The following PTPRN2 variants were observed in gnomAD, a reference collection of about 807,000 sequenced individuals.
The protein encoded by PTPRN2 is protein tyrosine phosphatase receptor type N2.
PTPRN2 carries 74 observed loss-of-function variants against 118.8 expected under a neutral mutation model. The observed-to-expected ratio is 0.62, with a 90% CI of 0.52 to 0.76. The LOEUF (loss-of-function observed/expected upper bound fraction) is 0.76, where lower values mean the gene tolerates loss of function less well. Ranked by LOEUF, PTPRN2 falls within the 30% of genes least tolerant of loss-of-function variation. The pLI, the probability that PTPRN2 is intolerant of heterozygous loss-of-function variation, is 0.00. For synonymous variants in PTPRN2, 641 were observed against 608.0 expected (o/e 1.05, Z -0.80); for missense variants, 1,481 against 1,394.4 (o/e 1.06, Z -0.99).
intron 2 of PTPRN2, among the ~76,000 whole-genome samples, chr7:158,425,322 G>A (rs1815638296): frequency 1.7e-5 from 2 of 120,578 alleles, no homozygotes; most frequent in Non-Finnish European, 3.3e-5. Context: ...CAGAGTCCGA[G>A]ACCAGCCTAG....
intron 10 of PTPRN2, among the ~76,000 whole-genome samples, chr7:158,097,603 G>A (rs1371029685): frequency 6.6e-6 from 1 of 152,136 alleles, no homozygotes; most frequent in African/African-American, 2.4e-5. Flanking sequence ...TGTGTCTTTG[G>A]CATCCTTTTT....
intron 12 of PTPRN2, among the ~76,000 whole-genome samples, chr7:157,777,307 T>C (rs1242120328): frequency 6.6e-6 from 1 of 152,188 alleles, no homozygotes; most frequent in Non-Finnish European, 1.5e-5. Flanking sequence ...GAAGGGGCCA[T>C]GCACTGTGAC....
At chr7:158,349,771 G>A (rs1364113289) in intron 2 of PTPRN2, among the ~76,000 whole-genome samples, 3 of 103,582 alleles carry the variant, frequency 2.9e-5, no homozygotes, top group South Asian at 4.2e-4. Flanking sequence ...GGTGGCCCAC[G>A]TCACTGCACC....
At chr7:158,327,596 T>A (rs980209350) in intron 2 of PTPRN2, among the ~76,000 whole-genome samples, 1 of 152,214 alleles carries the variant, frequency 6.6e-6, no homozygotes, top group Non-Finnish European at 1.5e-5. Context: ...ACACACTCAC[T>A]ACTCACACTC....
At chr7:158,199,574 G>C (rs987927787) in intron 4 of PTPRN2, among the ~76,000 whole-genome samples, 1 of 152,222 alleles carries the variant, frequency 6.6e-6, no homozygotes, top group African/African-American at 2.4e-5. Context: ...GAGATTAACT[G>C]CCTTATGTAA....
chr7:157,577,074 T>G (rs1800096021), intron 18 of PTPRN2, among the ~76,000 whole-genome samples: 2 of 152,226 alleles, frequency 1.3e-5, no homozygotes, highest in East Asian at 3.8e-4. Flanking sequence ...TTCTGTCTTT[T>G]GCATGTCCAT....
chr7:158,095,508 C>T (rs1379019606), intron 10 of PTPRN2, among the ~76,000 whole-genome samples: 1 of 152,100 alleles, frequency 6.6e-6, no homozygotes, highest in Non-Finnish European at 1.5e-5. Flanking sequence ...TGGAGGAGCA[C>T]ACTGAGGCCA....
intron 14 of PTPRN2, among the ~76,000 whole-genome samples, chr7:157,638,613 G>A (rs774324439): frequency 1.3e-5 from 2 of 152,254 alleles, no homozygotes; most frequent in Admixed American, 6.5e-5. Context: ...AGAGTTAGAG[G>A]TGAGACTATC....
chr7:158,159,662 T>TGAACAA (rs79965089), intron 6 of PTPRN2, among the ~76,000 whole-genome samples: 37,062 of 152,084 alleles, frequency 0.24, 5,668 homozygotes, highest in Middle Eastern at 0.39. Flanking sequence ...CCACACATTA[T>TGAACAA]TTGTCATTGG....
At chr7:157,906,035 C>T (rs750982675) in intron 11 of PTPRN2, among the ~76,000 whole-genome samples, 2 of 152,222 alleles carry the variant, frequency 1.3e-5, no homozygotes, top group Admixed American at 6.5e-5. Flanking sequence ...TCAGCATCTC[C>T]GGGTAATTTG....
At chr7:158,274,343 G>GC (rs1798795174) in intron 3 of PTPRN2, among the ~76,000 whole-genome samples, 1 of 5,792 alleles carries the variant, frequency 1.7e-4, no homozygotes, top group African/African-American at 5.6e-4. Context: ...GCAGACGCGG[G>GC]AGAGCCACAG....
chr7:157,766,817 C>T (rs868441643), intron 12 of PTPRN2, among the ~76,000 whole-genome samples: 4 of 152,350 alleles, frequency 2.6e-5, no homozygotes, highest in Admixed American at 1.3e-4. Context: ...TCTCGAAACA[C>T]GTCCCCTTGG....
rs1009302979 is a variant in PTPRN2, at chr7:157,627,339, C to T, written c.2197-5830G>A. On this transcript the variant is annotated intron_variant, in intron 14 of 22. Coordinates refer to ENST00000389418, the MANE Select transcript of PTPRN2 (RefSeq NM_002847.5). This position sits in a 1 kb window ranked among gnomAD's most constrained non-coding sequence, Gnocchi z 4.2. ...AATGAGCTGACTGAGGCTGACAATA[C>T]CAGAGGGAGTGAGCCAGTGAAGGCG... Among the ~76,000 whole-genome samples the T allele has an allele frequency of 6.6e-6, 1 of 152,210 alleles. No individual in the cohort carries two copies. Among genetic ancestry groups the T allele is most frequent in the African/African-American group, 2.4e-5 (1 of 41,444 alleles).
At chr7:157,548,595 A>G (rs1193240815) in intron 22 of PTPRN2, among the ~76,000 whole-genome samples, 2 of 152,226 alleles carry the variant, frequency 1.3e-5, no homozygotes, top group Non-Finnish European at 2.9e-5. Context: ...GCGCTCAGAG[A>G]GCTCAGAACA....
intron 2 of PTPRN2, among the ~76,000 whole-genome samples, chr7:158,384,876 C>T (rs1289945502): frequency 6.6e-6 from 1 of 152,096 alleles, no homozygotes; most frequent in Non-Finnish European, 1.5e-5. Flanking sequence ...TCAGGGTGCA[C>T]CTCTGCAGCA....
intron 14 of PTPRN2, among the ~76,000 whole-genome samples, chr7:157,634,639 TC>T (rs765226060): frequency 1.1e-4 from 17 of 151,996 alleles, no homozygotes; most frequent in Non-Finnish European, 1.8e-4. Flanking sequence ...CCCCCACAGG[TC>T]AGAGGGGCCG....
intron 13 of PTPRN2, among the ~76,000 whole-genome samples, chr7:157,660,803 G>A (rs899208014): frequency 3.7e-4 from 56 of 152,300 alleles, no homozygotes; most frequent in African/African-American, 1.3e-3. Context: ...CGCCCAGGCT[G>A]GAGTGCAGTG....
At chr7:158,580,826 G>C (rs552781475) in intron 1 of PTPRN2, among the ~76,000 whole-genome samples, 1 of 152,314 alleles carries the variant, frequency 6.6e-6, no homozygotes, top group African/African-American at 2.4e-5. Context: ...ACATCGAGTA[G>C]TGAATCCTAA....
chr7:158,418,254 T>TAA (rs201191726), intron 2 of PTPRN2, among the ~76,000 whole-genome samples: 8 of 143,556 alleles, frequency 5.6e-5, no homozygotes, highest in East Asian at 2.2e-4. Context: ...CCCACTGTGT[T>TAA]GTCATGGTGT....
Sources: gnomAD v4.1 joint callset for allele counts (sites outside exome capture counted in the v4.1 genomes callset) on GRCh38, gnomAD v4.1.1 for gene constraint, Gnocchi (gnomAD v3.1) non-coding constraint, MANE v1.5 for transcripts, NCBI Gene and HGNC (gene_info 2026-07-23, HGNC 2026-07-21) for gene names.